Variants in CTIF observed in about 807,000 individuals in gnomAD.
The protein encoded by CTIF is cap binding complex dependent translation initiation factor.
A neutral mutation model predicts 66.0 loss-of-function variants in CTIF; 21 were observed. The ratio of observed to expected loss-of-function variants is 0.32; its 90% CI spans 0.23 to 0.46. The LOEUF (loss-of-function observed/expected upper bound fraction) is 0.46, where lower values mean the gene tolerates loss of function less well. Among genes scored for constraint, CTIF ranks in the 20% least tolerant of loss-of-function variants. The pLI is 1.00. For missense variants in CTIF, 739 were observed against 812.7 expected (o/e 0.91, Z 1.10); for synonymous variants, 345 against 326.4 (o/e 1.06, Z -0.62).
chr18:48,819,482 C>T (rs538709490), intron 10 of CTIF, among the ~76,000 whole-genome samples: 10 of 152,320 alleles, frequency 6.6e-5, no homozygotes, highest in African/African-American at 1.9e-4. Flanking sequence ...CCTGCTCCTC[C>T]GAGAGGGAGG....
At chr18:48,851,042 T>C (rs766850361) in intron 10 of CTIF, among the ~76,000 whole-genome samples, 1 of 152,246 alleles carries the variant, frequency 6.6e-6, no homozygotes, top group Non-Finnish European at 1.5e-5. Flanking sequence ...GGTTTTTGGC[T>C]TCATGCAGAC....
intron 2 of CTIF, among the ~76,000 whole-genome samples, chr18:48,623,616 G>C (rs1218359655): frequency 6.6e-6 from 1 of 150,908 alleles, no homozygotes; most frequent in African/African-American, 2.4e-5. Flanking sequence ...CTCAGGGAAT[G>C]TTCCTGTCTG....
At chr18:48,730,786 G>A (rs2092449975) in intron 7 of CTIF, among the ~76,000 whole-genome samples, 1 of 145,558 alleles carries the variant, frequency 6.9e-6, no homozygotes, top group East Asian at 2.1e-4. Context: ...GCAGTGTGAA[G>A]GGCCCCCTGT....
chr18:48,609,217 G>A (rs2090263151), intron 1 of CTIF, among the ~76,000 whole-genome samples: 1 of 152,182 alleles, frequency 6.6e-6, no homozygotes, highest in Non-Finnish European at 1.5e-5. Context: ...GGTGTTCAGA[G>A]TTGGGAGGCA....
intron 3 of CTIF, among the ~76,000 whole-genome samples, chr18:48,647,525 C>G (rs7240607): frequency 0.14 from 20,600 of 152,248 alleles, 2,005 homozygotes; most frequent in African/African-American, 0.27. Context: ...GTATAGGGCA[C>G]AAGAGGTCTC....
intron 6 of CTIF, among the ~76,000 whole-genome samples, chr18:48,696,422 T>C (rs1428819101): frequency 6.6e-6 from 1 of 152,138 alleles, no homozygotes; most frequent in Non-Finnish European, 1.5e-5. Flanking sequence ...TGCCCATCCA[T>C]CGCAGGGTGG....
chr18:48,668,236 G>A (rs1415683017), intron 5 of CTIF, among the ~76,000 whole-genome samples: 1 of 152,244 alleles, frequency 6.6e-6, no homozygotes, highest in Admixed American at 6.5e-5. Flanking sequence ...TGCCCAGCGT[G>A]TGCTTGGAGC....
rs775063748 is a variant in CTIF at position 48,619,762 on chromosome 18, G to A, written c.180+17G>A. ...ATCTCCCAGGTGAGCGCGGGCCCGG[G>A]GTTGGGGCAGCTTGGGAAATTCAGA... On this transcript the variant is annotated intron_variant, in intron 2 of 11. Coordinates refer to ENST00000256413, the MANE Select transcript of CTIF (RefSeq NM_014772.3). 17 of 1,522,322 alleles carry A rather than the reference G, an allele frequency of 1.1e-5. No homozygotes were observed. Among genetic ancestry groups the A allele is most frequent in the Non-Finnish European group, 1.5e-5 (17 of 1,131,030 alleles). The allele number at this position is 1,522,322 out of a possible 1,614,324, so 94.3% of individuals were successfully genotyped here.
intron 1 of CTIF, among the ~76,000 whole-genome samples, chr18:48,572,738 A>C (rs1053627972): frequency 1.3e-4 from 20 of 152,300 alleles, no homozygotes; most frequent in African/African-American, 4.8e-4. Flanking sequence ...CTGTAATCCC[A>C]GCACTTTGGG....
At chr18:48,585,358 T>A (rs2089744817) in intron 1 of CTIF, among the ~76,000 whole-genome samples, 1 of 152,256 alleles carries the variant, frequency 6.6e-6, no homozygotes, top group East Asian at 1.9e-4. Context: ...TGGGCTTCTC[T>A]TAACCCTACC....
intron 9 of CTIF, among the ~76,000 whole-genome samples, chr18:48,792,300 G>C (rs55767970): frequency 0.1 from 15,134 of 152,068 alleles, 840 homozygotes; most frequent in African/African-American, 0.14. Context: ...GTCCAGGTCA[G>C]GGGGGTGGGT....
chr18:48,729,724 T>C (rs1328068396), intron 7 of CTIF, among the ~76,000 whole-genome samples: 1 of 152,234 alleles, frequency 6.6e-6, no homozygotes, highest in African/African-American at 2.4e-5. Flanking sequence ...CGTGGTGATC[T>C]GGAGTTGTCT....
At position 48,807,180 on chromosome 18, in the gene CTIF, C is replaced by T. The variant is rs114706181; in HGVS notation, c.1372-10041C>T. Among the ~76,000 whole-genome samples, 1,299 of 152,210 alleles carry T rather than the reference C, an allele frequency of 8.5e-3. 21 individuals are homozygous for T. The highest frequency in any genetic ancestry group is 0.03 in the African/African-American group (1,254 of 41,528). The stretch of plus-strand genomic sequence containing the variant: ...AGGCTGGGTTTTGGTGGCCTCTGGG[C>T]GGGGCATGTTCACACCCCAGTTCCC... On this transcript the variant is annotated intron_variant, in intron 9 of 11. Coordinates refer to ENST00000256413, the MANE Select transcript of CTIF (RefSeq NM_014772.3).
At chr18:48,635,299 TTTTTTC>T (rs528678487) in intron 2 of CTIF, among the ~76,000 whole-genome samples, 147 of 133,776 alleles carry the variant, frequency 1.1e-3, no homozygotes, top group African/African-American at 1.7e-3. Context: ...GCTTTTTCTT[TTTTTTC>T]TTTTTCTTTT....
rs371224403 is a variant in CTIF, at chr18:48,801,368, C to T, written c.1372-15853C>T. ...CAAGCTCCCTAGACTTTGTGTCCTTCTCTATCCTGGCTCCCTCCGCCTCCG... is the reference window on the plus strand; with the variant it reads ...CAAGCTCCCTAGACTTTGTGTCCTTTTCTATCCTGGCTCCCTCCGCCTCCG... On this transcript the variant is annotated intron_variant, in intron 9 of 11. Transcript: ENST00000256413. Among the ~76,000 whole-genome samples, 25 of 152,352 alleles carry T rather than the reference C, an allele frequency of 1.6e-4. No homozygotes were observed. The East Asian group carries it at 4.2e-3, about 26-fold the overall frequency.
intron 7 of CTIF, among the ~76,000 whole-genome samples, chr18:48,745,213 C>T (rs971912317): frequency 5.3e-5 from 8 of 152,130 alleles, no homozygotes; most frequent in East Asian, 1.9e-4. Context: ...CCCTCAGCGT[C>T]GGTTTCTCTG....
At chr18:48,541,017 G>T (rs994354196) in intron 1 of CTIF, among the ~76,000 whole-genome samples, 2 of 152,146 alleles carry the variant, frequency 1.3e-5, no homozygotes, top group Non-Finnish European at 2.9e-5. Flanking sequence ...GGCAGACTGG[G>T]GGTCCACCCG....
At position 48,716,784 on chromosome 18, in the gene CTIF, C is replaced by T. The variant is rs563675184; in HGVS notation, c.584+5089C>T. Among the ~76,000 whole-genome samples the T allele has an allele frequency of 3.1e-3, 470 of 152,324 alleles. 1 individual carries two copies. Among genetic ancestry groups the T allele is most frequent in the Middle Eastern group, 0.02 (6 of 294 alleles). ...GCTAATGTAGGCATTAGTGGTCCATCGCACCGTGCCTGTGCGGCCAGGGAG... is the reference window on the plus strand; with the variant it reads ...GCTAATGTAGGCATTAGTGGTCCATTGCACCGTGCCTGTGCGGCCAGGGAG... On this transcript the variant is annotated intron_variant, in intron 7 of 11. Transcript: ENST00000256413.
chr18:48,744,759 TG>T (rs1472901867), intron 7 of CTIF, among the ~76,000 whole-genome samples: 2 of 152,186 alleles, frequency 1.3e-5, no homozygotes, highest in African/African-American at 4.8e-5. Flanking sequence ...TCCTAGACTG[TG>T]GGCTGCATTC....
Sources: allele counts gnomAD v4.1 joint callset (sites outside exome capture counted in the v4.1 genomes callset), GRCh38; gene constraint gnomAD v4.1.1; transcripts MANE v1.5; gene names NCBI Gene and HGNC (gene_info 2026-07-23, HGNC 2026-07-21).